The following DOCK1 variants were observed in gnomAD, a reference collection of about 807,000 sequenced individuals.
The protein encoded by DOCK1 is dedicator of cytokinesis protein 1.
DOCK1 carries 138 observed loss-of-function variants against 262.7 expected under a neutral mutation model. That is an observed-to-expected ratio of 0.53 (90% confidence interval 0.46 to 0.61). DOCK1 has a LOEUF of 0.61. Ranked by LOEUF, DOCK1 falls within the 20% of genes least tolerant of loss-of-function variation. The pLI is 0.00. For synonymous variants in DOCK1, 866 were observed against 867.4 expected (o/e 1.00, Z 0.03); for missense variants, 1,908 against 2,370.7 (o/e 0.80, Z 4.05).
At chr10:126,996,119 G>A (rs150838203) in intron 6 of DOCK1, among the ~76,000 whole-genome samples, 27 of 152,080 alleles carry the variant, frequency 1.8e-4, no homozygotes, top group African/African-American at 6.5e-4. Context: ...AGTGGCTCAC[G>A]CCTGTAATCC....
intron 25 of DOCK1, among the ~76,000 whole-genome samples, chr10:127,122,932 T>C (rs1761534): frequency 0.82 from 124,944 of 152,122 alleles, 52,015 homozygotes; most frequent in East Asian, 0.94. Flanking sequence ...ATAGCACAGA[T>C]CACAACTGCC....
At chr10:127,305,984 T>C (rs1249851734) in intron 29 of DOCK1, among the ~76,000 whole-genome samples, 1 of 151,564 alleles carries the variant, frequency 6.6e-6, no homozygotes, top group African/African-American at 2.4e-5. Context: ...TATGGTTAGC[T>C]CAAGTACGTT....
intron 27 of DOCK1, among the ~76,000 whole-genome samples, chr10:127,217,287 C>G (rs1342375419): frequency 6.6e-6 from 1 of 152,212 alleles, no homozygotes; most frequent in East Asian, 1.9e-4. Context: ...CCCTGTGAAA[C>G]TGCAGAACAT....
chr10:127,389,223 T>A (rs985540517), intron 38 of DOCK1, among the ~76,000 whole-genome samples: 8 of 152,198 alleles, frequency 5.3e-5, no homozygotes, highest in African/African-American at 1.9e-4. Flanking sequence ...AAGCTCGAAG[T>A]GTGATGTTTT....
chr10:126,973,278 G>A (rs1236000975), intron 2 of DOCK1, among the ~76,000 whole-genome samples: 1 of 151,640 alleles, frequency 6.6e-6, no homozygotes, highest in East Asian at 2.0e-4. Flanking sequence ...GCCCGGGCTG[G>A]AGTATGGTGG....
At chr10:127,412,522 G>A (rs2067920359) in intron 43 of DOCK1, among the ~76,000 whole-genome samples, 1 of 152,160 alleles carries the variant, frequency 6.6e-6, no homozygotes, top group African/African-American at 2.4e-5. Context: ...ATTAGCCCGG[G>A]GACCCCCAAG....
At chr10:126,919,183 A>G (rs1363214002) in intron 1 of DOCK1, among the ~76,000 whole-genome samples, 1 of 152,202 alleles carries the variant, frequency 6.6e-6, no homozygotes, top group Non-Finnish European at 1.5e-5. Context: ...AGACCTTCCT[A>G]AACGCAGGAA....
chr10:126,909,674 C>G (rs904923016), intron 1 of DOCK1, among the ~76,000 whole-genome samples: 1 of 152,156 alleles, frequency 6.6e-6, no homozygotes, highest in Admixed American at 6.5e-5. Context: ...CTTTCTTAGC[C>G]TTGGTTTTCT....
intron 25 of DOCK1, among the ~76,000 whole-genome samples, chr10:127,114,759 CTTTTT>C (rs57979480): frequency 1.8e-5 from 2 of 108,302 alleles, no homozygotes; most frequent in Non-Finnish European, 2.0e-5. Context: ...TTTTTTCTTT[CTTTTT>C]TTTTTTTTTT....
At chr10:127,218,136 TTAATC>T (rs2058290693) in intron 27 of DOCK1, among the ~76,000 whole-genome samples, 2 of 152,360 alleles carry the variant, frequency 1.3e-5, no homozygotes, top group South Asian at 4.1e-4. Flanking sequence ...ATTAATCTCA[TTAATC>T]TAAGAGAATC....
chr10:127,410,974 C>G (rs1268546865), intron 43 of DOCK1, 50 bp downstream of exon 43: 1 of 1,565,484 alleles, frequency 6.4e-7, no homozygotes, highest in Non-Finnish European at 8.7e-7. Flanking sequence ...TATCATTCCG[C>G]CACCAGTAGA....
intron 29 of DOCK1, among the ~76,000 whole-genome samples, chr10:127,258,255 G>A (rs142460702): frequency 6.6e-6 from 1 of 152,054 alleles, no homozygotes; most frequent in African/African-American, 2.4e-5. Context: ...CACCACAAAT[G>A]TTCCTCTTGT....
chr10:127,044,900 G>C (rs1056426593), intron 21 of DOCK1, among the ~76,000 whole-genome samples: 1 of 152,092 alleles, frequency 6.6e-6, no homozygotes, highest in African/African-American at 2.4e-5. Flanking sequence ...ACTGAGATAA[G>C]AATAGTATCC....
chr10:127,302,800 C>T (rs887093743), intron 29 of DOCK1, among the ~76,000 whole-genome samples: 1 of 135,282 alleles, frequency 7.4e-6, no homozygotes, highest in Non-Finnish European at 1.6e-5. Flanking sequence ...TGTCAAAAAC[C>T]AATGGAAGAG....
At chr10:127,400,801 C>T (rs1436133599) in intron 38 of DOCK1, among the ~76,000 whole-genome samples, 2 of 152,194 alleles carry the variant, frequency 1.3e-5, no homozygotes, top group African/African-American at 2.4e-5. Context: ...CCAGTCATGC[C>T]TCTCCTGTAA....
chr10:127,045,776 C>T (rs1452132984), intron 21 of DOCK1, among the ~76,000 whole-genome samples: 1 of 152,140 alleles, frequency 6.6e-6, no homozygotes, highest in African/African-American at 2.4e-5. Context: ...GGGGGCTGCT[C>T]TTCCATAAAA....
rs1237826796 is a variant in DOCK1, at chr10:127,036,744, C to T, written c.1913-975C>T. ...ATCCCAGCACTTTGGGAGGCTGAGG[C>T]AGGTGGATCACCTGCGATCAGGAGT... is the stretch of plus-strand genomic sequence containing the variant. On this transcript the variant is annotated intron_variant, in intron 18 of 51. Coordinates refer to ENST00000623213, the MANE Select transcript of DOCK1 (RefSeq NM_001290223.2). 2.6e-5 allele frequency among the ~76,000 whole-genome samples: 4 copies of T among 151,892 alleles called. No individual in the cohort carries two copies. The East Asian group carries it at 7.8e-4, about 29-fold the overall frequency.
rs1366880531 is a variant in DOCK1 at position 127,339,103 on chromosome 10, A to G, written c.3123+19A>G. The G allele has an allele frequency of 1.9e-6, 3 of 1,554,336 alleles. No homozygotes were observed. The highest frequency in any genetic ancestry group is 2.6e-6 in the Non-Finnish European group (3 of 1,147,204). ...GCTACAGGTAAGAGAAGAGGTAGAC[A>G]CGACCTTTGTGGAGAAATCATGTTA... On this transcript the variant is annotated intron_variant, in intron 30 of 51. Transcript: ENST00000623213.
At chr10:127,263,739 G>C (rs960840230) in intron 29 of DOCK1, among the ~76,000 whole-genome samples, 1 of 152,158 alleles carries the variant, frequency 6.6e-6, no homozygotes, top group Non-Finnish European at 1.5e-5. Context: ...TTCACGCTTT[G>C]TGTGTGCAGC....
Sources: gnomAD v4.1 joint callset for allele counts (sites outside exome capture counted in the v4.1 genomes callset) on GRCh38, gnomAD v4.1.1 for gene constraint, MANE v1.5 for transcripts, NCBI Gene and HGNC (gene_info 2026-07-23, HGNC 2026-07-21) for gene names.